IL1RAPL1: variants seen among roughly 807,000 people sequenced by gnomAD.
The protein encoded by IL1RAPL1 is interleukin-1 receptor accessory protein-like 1.
Under a neutral mutation model 48.4 loss-of-function variants are expected in IL1RAPL1, and 3 were observed. The observed-to-expected ratio is 0.06, with a 90% CI of 0.03 to 0.16. The LOEUF (loss-of-function observed/expected upper bound fraction) is 0.16. IL1RAPL1 is among the 10% of genes least tolerant of loss of function. IL1RAPL1 has a pLI of 1.00. For missense variants in IL1RAPL1, 349 were observed against 530.6 expected (o/e 0.66, Z 3.36); for synonymous variants, 185 against 187.7 (o/e 0.99, Z 0.12).
rs143278364 is a variant in IL1RAPL1, at chrX:28,878,019, T to C, written c.82+88594T>C. Among the ~76,000 whole-genome samples the C allele has an allele frequency of 6.9e-3, 777 of 112,290 alleles. 7 individuals are homozygous for C. The highest frequency in any genetic ancestry group is 0.024 in the African/African-American group (737 of 30,943). On this transcript the variant is annotated intron_variant, in intron 2 of 10. Coordinates refer to ENST00000378993, the MANE Select transcript of IL1RAPL1 (RefSeq NM_014271.4). The stretch of plus-strand genomic sequence containing the variant: ...TAGTAATGAAGCCACATAATGCAGA[T>C]ATTGTCAAGCTTAAACAATCCAGAC...
intron 9 of IL1RAPL1, among the ~76,000 whole-genome samples, chrX:29,950,519 G>T (rs1390032348): frequency 9.0e-6 from 1 of 111,031 alleles, no homozygotes; most frequent in Non-Finnish European, 1.9e-5. Context: ...AGCATCTCTT[G>T]AGAGTTTGCT....
At chrX:29,898,153 T>TAAAC (rs1932424415) in intron 6 of IL1RAPL1, among the ~76,000 whole-genome samples, 1 of 112,203 alleles carries the variant, frequency 8.9e-6, no homozygotes, top group African/African-American at 3.2e-5. Context: ...ATCGTTTGAC[T>TAAAC]AAACAGTGAT....
At chrX:29,112,217 C>T (rs1483448424) in intron 2 of IL1RAPL1, among the ~76,000 whole-genome samples, 1 of 111,331 alleles carries the variant, frequency 9.0e-6, no homozygotes, top group Non-Finnish European at 1.9e-5. Flanking sequence ...TGAGCCATGG[C>T]ACCTGGCCAT....
At chrX:29,077,962 A>C (rs1353808847) in intron 2 of IL1RAPL1, among the ~76,000 whole-genome samples, 1 of 111,805 alleles carries the variant, frequency 8.9e-6, no homozygotes, top group African/African-American at 3.3e-5. Flanking sequence ...CCACGCTACA[A>C]GACTAGAGAA....
chrX:29,501,529 A>G (rs1935273324), intron 5 of IL1RAPL1, among the ~76,000 whole-genome samples: 1 of 110,693 alleles, frequency 9.0e-6, no homozygotes, highest in Non-Finnish European at 1.9e-5. Flanking sequence ...TCTGGATGTG[A>G]TTGGTTATCC....
At chrX:28,660,244 T>C (rs981154837) in intron 1 of IL1RAPL1, among the ~76,000 whole-genome samples, 1 of 110,053 alleles carries the variant, frequency 9.1e-6, no homozygotes, top group African/African-American at 3.3e-5. Context: ...TGAAATACTT[T>C]TGACCCCTAA....
chrX:29,364,963 G>A (rs988057178), intron 3 of IL1RAPL1, among the ~76,000 whole-genome samples: 8 of 111,162 alleles, frequency 7.2e-5, no homozygotes, highest in African/African-American at 2.6e-4. Context: ...TAAAAAACAC[G>A]AATTTCATAT....
At chrX:29,373,866 A>ATTTTTTTTTT (rs1933579571) in intron 3 of IL1RAPL1, among the ~76,000 whole-genome samples, 1 of 23,494 alleles carries the variant, frequency 4.3e-5, no homozygotes, top group Non-Finnish European at 9.1e-5. Flanking sequence ...CTCTCTTTTT[A>ATTTTTTTTTT]ATTTTTTTTT....
intron 6 of IL1RAPL1, among the ~76,000 whole-genome samples, chrX:29,801,065 A>C (rs1929886039): frequency 2.2e-5 from 2 of 91,617 alleles, no homozygotes; most frequent in Admixed American, 1.2e-4. Flanking sequence ...AAAAAAAAAA[A>C]AAAAAAAAAA....
At chrX:29,773,158 A>C (rs1929107889) in intron 6 of IL1RAPL1, among the ~76,000 whole-genome samples, 1 of 112,575 alleles carries the variant, frequency 8.9e-6, no homozygotes, top group South Asian at 3.7e-4. Flanking sequence ...AGAGTTTCCT[A>C]CCAAATATTT....
chrX:28,919,423 G>A (rs1201377242), intron 2 of IL1RAPL1, among the ~76,000 whole-genome samples: 1 of 111,998 alleles, frequency 8.9e-6, no homozygotes, highest in Non-Finnish European at 1.9e-5. Flanking sequence ...TCAAAAAGAT[G>A]CTTACGATAT....
intron 2 of IL1RAPL1, among the ~76,000 whole-genome samples, chrX:28,856,325 T>C (rs1921804993): frequency 8.9e-6 from 1 of 112,030 alleles, no homozygotes; most frequent in Admixed American, 9.5e-5. Flanking sequence ...AATTTGAAGC[T>C]TATGCAAATG....
At chrX:29,047,045 C>T (rs1453270895) in intron 2 of IL1RAPL1, among the ~76,000 whole-genome samples, 1 of 112,436 alleles carries the variant, frequency 8.9e-6, no homozygotes, top group Non-Finnish European at 1.9e-5. Flanking sequence ...GCAGTATAAC[C>T]TCCATACACC....
intron 6 of IL1RAPL1, among the ~76,000 whole-genome samples, chrX:29,816,779 C>A (rs182347105): frequency 9.0e-6 from 1 of 110,623 alleles, no homozygotes; most frequent in South Asian, 3.8e-4. Flanking sequence ...TTCCTCCCCC[C>A]CCACTGAAAT....
intron 5 of IL1RAPL1, among the ~76,000 whole-genome samples, chrX:29,609,562 T>C (rs764293861): frequency 8.9e-6 from 1 of 112,056 alleles, no homozygotes; most frequent in African/African-American, 3.2e-5. Flanking sequence ...CCTTCAATGA[T>C]CATCAGTCAT....
At chrX:29,252,562 A>G (rs1188101264) in intron 2 of IL1RAPL1, among the ~76,000 whole-genome samples, 1 of 113,135 alleles carries the variant, frequency 8.8e-6, no homozygotes, top group Non-Finnish European at 1.9e-5. Context: ...CTTTATTTTT[A>G]TTTGTTGTTG....
chrX:29,142,892 G>A (rs1239547521), intron 2 of IL1RAPL1, among the ~76,000 whole-genome samples: 1 of 109,837 alleles, frequency 9.1e-6, no homozygotes, highest in Non-Finnish European at 1.9e-5. Context: ...GTAGAGACAG[G>A]GTTTCACCAT....
intron 6 of IL1RAPL1, among the ~76,000 whole-genome samples, chrX:29,888,449 C>G (rs1013426468): frequency 2.7e-5 from 3 of 110,392 alleles, no homozygotes; most frequent in Non-Finnish European, 5.7e-5. Flanking sequence ...GTCTCAAACT[C>G]CTGACCTCAG....
chrX:28,857,797 G>A lies in IL1RAPL1; in HGVS notation c.82+68372G>A, dbSNP rs141047253. Reference sequence around the variant, plus strand: ...TGCTTACTAACACAATATCCATTCTGCAGCCCATGGATAAAGGTGTGATTT... The same window carrying A: ...TGCTTACTAACACAATATCCATTCTACAGCCCATGGATAAAGGTGTGATTT... On this transcript the variant is annotated intron_variant, in intron 2 of 10. Coordinates refer to ENST00000378993, the MANE Select transcript of IL1RAPL1 (RefSeq NM_014271.4). Among the ~76,000 whole-genome samples, 941 of 111,797 alleles carry A rather than the reference G, an allele frequency of 8.4e-3. 15 individuals are homozygous for A. Among genetic ancestry groups the A allele is most frequent in the African/African-American group, 0.029 (889 of 30,794 alleles).
Sources: allele counts gnomAD v4.1 joint callset (sites outside exome capture counted in the v4.1 genomes callset), GRCh38; gene constraint gnomAD v4.1.1; transcripts MANE v1.5; gene names NCBI Gene and HGNC (gene_info 2026-07-23, HGNC 2026-07-21).